Variants in RILPL2 observed in about 807,000 individuals in gnomAD.
RILPL2 encodes the protein RILP-like protein 2.
RILPL2 carries 19 observed loss-of-function variants against 22.2 expected under a neutral mutation model. The observed-to-expected ratio is 0.86, with a 90% CI of 0.60 to 1.25. The LOEUF (loss-of-function observed/expected upper bound fraction) is 1.25. Ranked by LOEUF, RILPL2 falls within the 50% of genes most tolerant of loss-of-function variation. RILPL2 has a pLI of 0.00. For synonymous variants in RILPL2, 123 were observed against 111.6 expected, an observed-to-expected ratio of 1.10 and a Z score of -0.64; for missense variants, 243 against 263.6, an observed-to-expected ratio of 0.92 and a Z score of 0.54.
chr12:123,422,957 T>C, intron 3 of RILPL2, 87 bp downstream of exon 3: 1 of 927,506 alleles, frequency 1.1e-6, no homozygotes, highest in Admixed American at 1.9e-5. Flanking sequence ...CTCCCTGCCC[T>C]GGGCAGCTGG....
At position 123,430,526 on chromosome 12, in the gene RILPL2, T is replaced by A; in HGVS notation, c.473A>T (p.Glu158Val). The change falls in exon 2 of 4, where the codon GAG becomes GTG. Residue 158 changes from glutamate to valine, a missense_variant. By Grantham distance (121) the Glu-to-Val change is moderately radical. Transcript: ENST00000280571. ...AGCCCACCTCTTGTAGCACTGCAGCTCTTCCTGCACCACCAGGAGCTGCGA... is the reference window on the plus strand; with the variant it reads ...AGCCCACCTCTTGTAGCACTGCAGCACTTCCTGCACCACCAGGAGCTGCGA... ...LKSQLLVVQE[E>V]LQCYKSGLIP... is the part of the protein sequence containing the mutation. The A allele has an allele frequency of 6.2e-7, 1 of 1,606,752 alleles. No individual in the cohort carries two copies. Among genetic ancestry groups the A allele is most frequent in the Non-Finnish European group, 8.5e-7 (1 of 1,175,682 alleles).
At chr12:123,427,289 T>C (rs188585001) in intron 2 of RILPL2, among the ~76,000 whole-genome samples, 1 of 152,206 alleles carries the variant, frequency 6.6e-6, no homozygotes, top group East Asian at 1.9e-4. Flanking sequence ...AATGCTGGTC[T>C]CAAGGAAGCA....
chr12:123,425,402 C>T lies in RILPL2; in HGVS notation c.492-2245G>A, dbSNP rs1287213354. Among the ~76,000 whole-genome samples, 3 of 151,876 alleles carry T rather than the reference C, an allele frequency of 2.0e-5. No homozygotes were observed. The Admixed American group carries it at 2.0e-4, about 10-fold the overall frequency. On this transcript the variant is annotated intron_variant, in intron 2 of 3. Transcript: ENST00000280571. Reference sequence around the variant, plus strand: ...CCATGTTGGCCACGCTGGTTTTGAACTCCTGACGTCAAGTGATCTGCCTGC... The same window carrying T: ...CCATGTTGGCCACGCTGGTTTTGAATTCCTGACGTCAAGTGATCTGCCTGC...
chr12:123,421,472 G>A (rs1746372157), intron 3 of RILPL2, among the ~76,000 whole-genome samples: 1 of 151,984 alleles, frequency 6.6e-6, no homozygotes, highest in Non-Finnish European at 1.5e-5. Context: ...ACCATACTGA[G>A]CTCACATGAA....
downstream of RILPL2, chr12:123,412,895 TCA>T (rs1262779286): frequency 6.6e-6 from 1 of 152,264 alleles, no homozygotes; most frequent in East Asian, 1.9e-4. Flanking sequence ...AGCCAGAGTT[TCA>T]GTTTCTAAAC....
At chr12:123,419,047 G>T in intron 3 of RILPL2, among the ~76,000 whole-genome samples, 2 of 123,328 alleles carry the variant, frequency 1.6e-5, no homozygotes. Flanking sequence ...GTCTCGCTCT[G>T]TCACTCAGGC....
intron 3 of RILPL2, among the ~76,000 whole-genome samples, chr12:123,421,041 A>ATC (rs1406451427): frequency 1.8e-4 from 27 of 149,874 alleles, no homozygotes; most frequent in African/African-American, 6.4e-4. Flanking sequence ...GCTATGTTAA[A>ATC]TCTTTTTTTT....
At chr12:123,426,415 A>G (rs1250053030) in intron 2 of RILPL2, among the ~76,000 whole-genome samples, 1 of 152,128 alleles carries the variant, frequency 6.6e-6, no homozygotes, top group Admixed American at 6.6e-5. Context: ...GTCCTCCCAA[A>G]GTGTTGGGAT....
downstream of RILPL2, chr12:123,411,066 T>G: frequency 6.6e-6 from 1 of 150,756 alleles, no homozygotes; most frequent in African/African-American, 2.4e-5. Context: ...TGAGATGGAG[T>G]CTTGGTCTGT....
the RILPL2 span, among the ~76,000 whole-genome samples, chr12:123,409,670 TA>T: frequency 6.7e-6 from 1 of 148,938 alleles, no homozygotes. Context: ...GTACCTTGGC[TA>T]CCTGAATAGC....
At chr12:123,434,069 T>A (rs989446321) in intron 1 of RILPL2, among the ~76,000 whole-genome samples, 1 of 152,158 alleles carries the variant, frequency 6.6e-6, no homozygotes, top group African/African-American at 2.4e-5. Flanking sequence ...TTTTCTTTTT[T>A]AACTGTGGCT....
intron 3 of RILPL2, 66 bp from the exon 4 acceptor site, chr12:123,415,987 C>G: frequency 6.5e-7 from 1 of 1,534,218 alleles, no homozygotes; most frequent in Admixed American, 1.7e-5. Flanking sequence ...CAGCAACCCC[C>G]GTAAAATTTC....
chr12:123,431,674 AAGTT>A (rs1429765842), intron 1 of RILPL2, among the ~76,000 whole-genome samples: 2 of 151,540 alleles, frequency 1.3e-5, no homozygotes, highest in East Asian at 4.0e-4. Context: ...AAATACAAAA[AAGTT>A]AGCCAGGCGT....
chr12:123,423,089 T>C lies in RILPL2; in HGVS notation c.560A>G (p.Lys187Arg), dbSNP rs1381632316. 1.2e-6 allele frequency: 2 copies of C among 1,613,994 alleles called. No homozygotes were observed. The highest frequency in any genetic ancestry group is 8.5e-7 in the Non-Finnish European group (1 of 1,179,974). The change falls in exon 3 of 4, where the codon AAA becomes AGA. Residue 187 changes from lysine (K) to arginine (R), a missense_variant. Physicochemically the swap from Lys to Arg is conservative, Grantham distance 26. Coordinates refer to ENST00000280571, the MANE Select transcript of RILPL2 (RefSeq NM_145058.3). Reference protein sequence around the residue: ...REKDAVVTSAKNAGRNKEEKT... With the variant: ...REKDAVVTSARNAGRNKEEKT... ...CTCCTCCTTGTTCCTGCCAGCATTT[T>C]TGGCACTAGTAACCACAGCATCTTT...
Position 123,436,082 on chromosome 12 carries a change from C to T in RILPL2, c.339G>A (p.Glu113=), listed in dbSNP as rs772528302. 1.3e-6 allele frequency: 2 copies of T among 1,568,694 alleles called. No homozygotes were observed. Among genetic ancestry groups the T allele is most frequent in the African/African-American group, 2.7e-5 (2 of 73,600 alleles). ...LRRQSPPASG[E]VNLGPNKMVV... Reference sequence around the variant, plus strand: ...CCGGAACCCTCGCTCCCACACTCACCTCCCCGCTGGCCGGAGGGCTCTGTC... The same window carrying T: ...CCGGAACCCTCGCTCCCACACTCACTTCCCCGCTGGCCGGAGGGCTCTGTC... The change falls in exon 1 of 4, where the codon GAG becomes GAA. Residue 113 remains glutamate, a splice_region_variant and synonymous_variant. Transcript: ENST00000280571. The surrounding 1 kb of genome is among the most constrained non-coding windows in gnomAD (Gnocchi z 6.7).
intron 2 of RILPL2, among the ~76,000 whole-genome samples, chr12:123,425,461 G>A (rs1879419057): frequency 6.6e-6 from 1 of 151,936 alleles, no homozygotes; most frequent in South Asian, 2.1e-4. Flanking sequence ...TTACAGGTGT[G>A]AGCCATCGTG....
chr12:123,430,664 A>T lies in RILPL2; in HGVS notation c.340-5T>A, dbSNP rs773809091. On this transcript the variant is annotated splice_region_variant and splice_polypyrimidine_tract_variant and intron_variant, in intron 1 of 3. Coordinates refer to ENST00000280571, the MANE Select transcript of RILPL2 (RefSeq NM_145058.3). Reference sequence around the variant, plus strand: ...TTTGTTTGGGCCCAGGTTCACCTGGAAGAAAAGACGCAACCTTTGCAAGCA... The same window carrying T: ...TTTGTTTGGGCCCAGGTTCACCTGGTAGAAAAGACGCAACCTTTGCAAGCA... 1.3e-6 allele frequency: 2 copies of T among 1,573,924 alleles called. No homozygotes were observed. The highest frequency in any genetic ancestry group is 3.5e-5 in the Admixed American group (2 of 56,680).
At chr12:123,419,910 C>G (rs1053257067) in intron 3 of RILPL2, among the ~76,000 whole-genome samples, 1 of 144,960 alleles carries the variant, frequency 6.9e-6, no homozygotes, top group African/African-American at 2.4e-5. Context: ...TCTCCTGCCT[C>G]AGCCTCCCAG....
At chr12:123,430,261 T>G (rs866966622) in intron 2 of RILPL2, among the ~76,000 whole-genome samples, 47 of 150,880 alleles carry the variant, frequency 3.1e-4, no homozygotes, top group African/African-American at 1.0e-3. Context: ...TACAAAAAAT[T>G]AGCCAGGCAC....
Sources: allele counts gnomAD v4.1 joint callset (sites outside exome capture counted in the v4.1 genomes callset), GRCh38; gene constraint gnomAD v4.1.1; non-coding constraint Gnocchi (gnomAD v3.1); transcripts MANE v1.5; gene names NCBI Gene and HGNC (gene_info 2026-07-23, HGNC 2026-07-21).